Variants in DNAH5 observed in about 807,000 individuals in gnomAD.
The protein encoded by DNAH5 is dynein axonemal heavy chain 5.
Under a neutral mutation model 518.2 loss-of-function variants are expected in DNAH5, and 372 were observed. The ratio of observed to expected loss-of-function variants is 0.72; its 90% CI spans 0.66 to 0.78. DNAH5 has a LOEUF of 0.78. Ranked by LOEUF, DNAH5 falls within the 30% of genes least tolerant of loss-of-function variation. The probability of loss-of-function intolerance (pLI) is 0.00; values close to 1 mark genes in which losing one functional copy is unlikely to be tolerated. For missense variants in DNAH5, 5,523 were observed against 5,687.0 expected, an observed-to-expected ratio of 0.97 and a Z score of 0.93; for synonymous variants, 2,039 against 2,025.9, an observed-to-expected ratio of 1.01 and a Z score of -0.17.
At chr5:13,740,624 C>T (rs770203777) in intron 65 of DNAH5, among the ~76,000 whole-genome samples, 1 of 152,216 alleles carries the variant, frequency 6.6e-6, no homozygotes, top group Non-Finnish European at 1.5e-5. Context: ...TGATGTGATG[C>T]TGCTATTCCA....
chr5:13,762,615 A>G, intron 60 of DNAH5, 107 bp downstream of exon 60: 1 of 964,024 alleles, frequency 1.0e-6, no homozygotes, highest in Non-Finnish European at 1.6e-6. Flanking sequence ...GGACCTGAGT[A>G]TCCTAACACC....
intron 21 of DNAH5, 49 bp downstream of exon 21, chr5:13,882,679 T>C (rs768272835): frequency 7.1e-7 from 1 of 1,410,562 alleles, no homozygotes; most frequent in Non-Finnish European, 1.0e-6. Context: ...TTAAGCTCAA[T>C]GAATGTTGAT....
intron 1 of DNAH5, among the ~76,000 whole-genome samples, chr5:13,931,531 A>G (rs1778427242): frequency 6.6e-6 from 1 of 152,254 alleles, no homozygotes; most frequent in Non-Finnish European, 1.5e-5. Flanking sequence ...CTAAATCTTT[A>G]CACACTTATT....
chr5:13,877,970 G>T (rs1771116861), intron 21 of DNAH5, among the ~76,000 whole-genome samples: 2 of 152,222 alleles, frequency 1.3e-5, no homozygotes, highest in South Asian at 2.1e-4. Context: ...CACATCAAGT[G>T]CCCCAACATT....
intron 75 of DNAH5, among the ~76,000 whole-genome samples, 163 bp from the exon 76 acceptor site, chr5:13,708,498 C>T (rs1252350971): frequency 6.7e-6 from 1 of 149,590 alleles, no homozygotes; most frequent in Non-Finnish European, 1.5e-5. Context: ...GAAAAGAAAA[C>T]AGAAAAAAGT....
intron 22 of DNAH5, among the ~76,000 whole-genome samples, chr5:13,872,086 C>T (rs1286787951): frequency 6.6e-6 from 1 of 152,180 alleles, no homozygotes; most frequent in Non-Finnish European, 1.5e-5. Context: ...AACCACAGCT[C>T]AAGCTCACAC....
chr5:13,778,580 AAGAAAGAAAGAAAGAAAGAG>A (rs1561234361), intron 53 of DNAH5, among the ~76,000 whole-genome samples: 6 of 74,986 alleles, frequency 8.0e-5, no homozygotes, highest in African/African-American at 3.1e-4. Flanking sequence ...GAAAGAAAGA[AAGAAAGAAAGAAAGAAAGAG>A]AGAGAGAAAG....
Position 13,776,589 on chromosome 5 carries a change from T to G in DNAH5, c.9223A>C (p.Met3075Leu), listed in dbSNP as rs753806079. Residue 3075 changes from methionine (M) to leucine (L), a missense_variant, in exon 55 of 79, where the codon ATG becomes CTG. Physicochemically the swap from Met to Leu is conservative, Grantham distance 15. This residue lies in a region of DNAH5 where 5,121 missense variants were observed against 5,223.3 expected (regional missense o/e 0.98). Coordinates refer to ENST00000265104, the MANE Select transcript of DNAH5 (RefSeq NM_001369.3). ...TGAAGGTTCTGTCGGACCCGACTCA[T>G]GAAGTAGTCGTGCAGGTTCTCATTG... ...PTNENLHDYF[M>L]SRVRQNLHIV... 2.5e-6 allele frequency: 4 copies of G among 1,613,922 alleles called. No individual in the cohort carries two copies. Among genetic ancestry groups the G allele is most frequent in the Non-Finnish European group, 3.4e-6 (4 of 1,179,846 alleles).
Position 13,943,249 on chromosome 5 carries a change from A to C in DNAH5, c.57+1133T>G, listed in dbSNP as rs553892952. Among the ~76,000 whole-genome samples, 18 of 152,370 alleles carry C rather than the reference A, an allele frequency of 1.2e-4. 1 individual carries two copies. In the East Asian group the frequency reaches 2.5e-3, roughly 21 times the overall value. On this transcript the variant is annotated intron_variant, in intron 1 of 78. Coordinates refer to ENST00000265104, the MANE Select transcript of DNAH5 (RefSeq NM_001369.3). ...CACAAGCATATATTAAGGACCAAGCATATACTATGGACCAAGCTCTGTGTT... is the reference window on the plus strand; with the variant it reads ...CACAAGCATATATTAAGGACCAAGCCTATACTATGGACCAAGCTCTGTGTT...
chr5:13,725,007 AT>A (rs1235945097), intron 70 of DNAH5, among the ~76,000 whole-genome samples: 2 of 152,178 alleles, frequency 1.3e-5, no homozygotes, highest in Non-Finnish European at 2.9e-5. Flanking sequence ...AATTCACCTC[AT>A]GCAACAGATA....
chr5:13,930,987 C>T, intron 2 of DNAH5, 123 bp downstream of exon 2: 1 of 1,420,112 alleles, frequency 7.0e-7, no homozygotes, highest in South Asian at 1.2e-5. Flanking sequence ...CAGAATGGAG[C>T]CCTGTCCACG....
chr5:13,761,592 C>CAG (rs1751787698), intron 60 of DNAH5, among the ~76,000 whole-genome samples: 1 of 135,152 alleles, frequency 7.4e-6, no homozygotes, highest in African/African-American at 2.7e-5. Context: ...GACTCCGTCT[C>CAG]AAAAAAAAAA....
chr5:13,820,116 T>C (rs1762022049), intron 41 of DNAH5, among the ~76,000 whole-genome samples: 1 of 152,168 alleles, frequency 6.6e-6, no homozygotes, highest in Non-Finnish European at 1.5e-5. Flanking sequence ...TTACATAACA[T>C]ATGTAAAACA....
chr5:13,695,238 G>C (rs148089583), intron 78 of DNAH5, among the ~76,000 whole-genome samples: 2 of 152,180 alleles, frequency 1.3e-5, no homozygotes, highest in Non-Finnish European at 2.9e-5. Flanking sequence ...AGAACAACCC[G>C]AGTATCCTGG....
Position 13,762,854 on chromosome 5 carries a change from A to G in DNAH5, c.10149T>C (p.Ser3383=). 6.2e-7 allele frequency: 1 copy of G among 1,613,996 alleles called. No homozygotes were observed. The highest frequency in any genetic ancestry group is 8.5e-7 in the Non-Finnish European group (1 of 1,179,884). Residue 3383 remains serine, a synonymous_variant, in exon 60 of 79, where the codon AGT becomes AGC. Coordinates refer to ENST00000265104, the MANE Select transcript of DNAH5 (RefSeq NM_001369.3). ...TINEEVIEFL[S]PYFEMPDYNI... ...TATAGTCAGGCATTTCAAAGTAAGGACTCAAAAATTCTATCACCTCTTCAT... is the reference window on the plus strand; with the variant it reads ...TATAGTCAGGCATTTCAAAGTAAGGGCTCAAAAATTCTATCACCTCTTCAT...
intron 47 of DNAH5, among the ~76,000 whole-genome samples, chr5:13,802,100 T>C (rs1758845765): frequency 6.6e-6 from 1 of 152,206 alleles, no homozygotes; most frequent in Admixed American, 6.5e-5. Context: ...AGCAAGGACT[T>C]GCACTAAGGA....
rs981305557 is a variant in DNAH5 at position 14,001,678 on chromosome 5, C to CTT, written c.12+9968_12+9969dup. On this transcript the variant is annotated intron_variant, in intron 1 of 78. Coordinates refer to the DNAH5 transcript ENST00000681290. ...GTGCCCAGCCTAGTTTTTTTCTTTT[C>CTT]TTTTTTTTTTTTTAAGGATACTTTA... Among the ~76,000 whole-genome samples, 711 of 148,364 alleles carry CTT rather than the reference C, an allele frequency of 4.8e-3. 8 individuals are homozygous for CTT. The highest frequency in any genetic ancestry group is 0.015 in the African/African-American group (622 of 40,404).
intron 5 of DNAH5, among the ~76,000 whole-genome samples, chr5:13,921,025 A>G (rs902119141): frequency 6.6e-6 from 1 of 152,154 alleles, no homozygotes. Context: ...TCATGTATAC[A>G]TATGTAACAA....
At position 13,778,384 on chromosome 5, in the gene DNAH5, C is replaced by T. The variant is rs1049132529; in HGVS notation, c.8952-1029G>A. Among the ~76,000 whole-genome samples, 5 of 148,874 alleles carry T rather than the reference C, an allele frequency of 3.4e-5. No individual in the cohort carries two copies. In the East Asian group the frequency reaches 7.9e-4, roughly 24 times the overall value. On this transcript the variant is annotated intron_variant, in intron 53 of 78. Transcript: ENST00000265104. ...GATCCGAGAGATCAGAAAACAAATA[C>T]TTCTAGAAGACACCTAGAGAAGTGA...
Sources: allele counts gnomAD v4.1 joint callset (sites outside exome capture counted in the v4.1 genomes callset), GRCh38; gene constraint gnomAD v4.1.1; regional missense constraint gnomAD v4.1.1; transcripts MANE v1.5; gene names NCBI Gene and HGNC (gene_info 2026-07-23, HGNC 2026-07-21).